The following PROKR2 variants were observed in gnomAD, a reference collection of about 807,000 sequenced individuals.
PROKR2 encodes the protein prokineticin receptor 2.
PROKR2 carries 26 observed loss-of-function variants against 23.4 expected under a neutral mutation model. That is an observed-to-expected ratio of 1.11 (90% CI 0.81 to 1.54). The LOEUF is 1.54. Ranked by LOEUF, PROKR2 falls within the 40% of genes most tolerant of loss-of-function variation. The probability of loss-of-function intolerance (pLI) is 0.00; values close to 1 mark genes in which losing one functional copy is unlikely to be tolerated. For synonymous variants in PROKR2, 212 were observed against 201.2 expected (o/e 1.05, Z -0.45); for missense variants, 453 against 511.5 (o/e 0.89, Z 1.10).
chr20:5,316,052 GA>G lies in PROKR2; in HGVS notation c.-9+441del. On this transcript the variant is annotated intron_variant, in intron 1 of 2. Transcript: ENST00000678254. The surrounding 1 kb of genome is among the most constrained non-coding windows in gnomAD (Gnocchi z 5.0). ...CCTGGCAAAGACAGGAATCAAGTCA[GA>G]AATTCAGGCTCTAGAAGCAAAGGCT... is the stretch of plus-strand genomic sequence containing the variant. The G allele has an allele frequency of 2.2e-6, 1 of 456,750 alleles. No individual in the cohort carries two copies. Among genetic ancestry groups the G allele is most frequent in the Non-Finnish European group, 4.4e-6 (1 of 226,976 alleles). 28.3% of individuals were successfully genotyped at this position (456,750 alleles called of 1,614,324 possible). A position where few individuals can be genotyped will look rare whatever the true frequency, so the allele number is the denominator to read the frequency against.
At position 5,313,933 on chromosome 20, in the gene PROKR2, A is replaced by G; in HGVS notation, c.437T>C (p.Leu146Ser). Residue 146 changes from leucine to serine, a missense_variant, in exon 2 of 3, where the codon TTG (leucine) becomes TCG (serine). Coordinates refer to ENST00000678254, the MANE Select transcript of PROKR2 (RefSeq NM_144773.4). ...TCACCTGTCAATGGCAATGGCCAGC[A>G]AGGCATTGGTGGAGACGTAGAGGGA... ...TVSLYVSTNA[L>S]LAIAIDRYLA... is the part of the protein sequence containing the mutation. 5 of 1,614,206 alleles carry G rather than the reference A, an allele frequency of 3.1e-6. No homozygotes were observed. Among genetic ancestry groups the G allele is most frequent in the Non-Finnish European group, 4.2e-6 (5 of 1,180,024 alleles).
At chr20:5,308,290 C>T (rs1425169499) in intron 2 of PROKR2, among the ~76,000 whole-genome samples, 1 of 152,178 alleles carries the variant, frequency 6.6e-6, no homozygotes, top group African/African-American at 2.4e-5. Flanking sequence ...CCATAATGCC[C>T]ACGCTGGAAG....
intron 2 of PROKR2, among the ~76,000 whole-genome samples, chr20:5,303,656 C>T (rs1173320695): frequency 6.6e-6 from 1 of 152,062 alleles, no homozygotes; most frequent in Non-Finnish European, 1.5e-5. Flanking sequence ...ATTTAGACAC[C>T]TGGTGCCCTG....
intron 1 of PROKR2, chr20:5,315,802 C>T: frequency 2.2e-6 from 1 of 455,898 alleles, no homozygotes; most frequent in Non-Finnish European, 4.4e-6. Context: ...CATGCGACAC[C>T]CCAATCCCCG....
intron 1 of PROKR2, chr20:5,315,868 C>T (rs767450460): frequency 5.0e-5 from 23 of 456,628 alleles, no homozygotes; most frequent in Middle Eastern, 3.3e-4. Flanking sequence ...CCTCGGCTTT[C>T]CAGCCCCCTA....
rs1053241986 is a variant in PROKR2 at position 5,300,507 on chromosome 20, A to G, written c.*1533T>C. ...AAACTCCCTCCAAATAAACTGTTCA[A>G]TATCACTTCTCCATTCTTATCGTGT... On this transcript the variant is annotated 3_prime_UTR_variant, in exon 3 of 3. Coordinates refer to ENST00000678254, the MANE Select transcript of PROKR2 (RefSeq NM_144773.4). 2.0e-5 allele frequency among the ~76,000 whole-genome samples: 3 copies of G among 152,246 alleles called. No individual in the cohort carries two copies. Among genetic ancestry groups the G allele is most frequent in the Admixed American group, 6.5e-5 (1 of 15,284 alleles).
intron 1 of PROKR2, 22 bp from the exon 2 acceptor site, chr20:5,314,399 G>GA (rs1568573526): frequency 1.9e-6 from 3 of 1,591,094 alleles, no homozygotes; most frequent in Non-Finnish European, 2.6e-6. Context: ...GTGGTGTGAG[G>GA]GAGGTGCGAG....
intron 2 of PROKR2, among the ~76,000 whole-genome samples, chr20:5,304,395 C>T (rs1255051347): frequency 1.3e-5 from 2 of 152,252 alleles, no homozygotes. Flanking sequence ...GAATGCTGCT[C>T]TTTCCAGTCG....
chr20:5,315,835 C>G (rs1419153172), intron 1 of PROKR2: 1 of 456,518 alleles, frequency 2.2e-6, no homozygotes, highest in African/African-American at 2.0e-5. Flanking sequence ...AGCGTGGGAC[C>G]AAGAATGGGG....
In PROKR2 at chr20:5,301,413, G is replaced by C. The variant is rs1368000166; in HGVS notation, c.*627C>G. On this transcript the variant is annotated 3_prime_UTR_variant, in exon 3 of 3. Transcript: ENST00000678254. The stretch of plus-strand genomic sequence containing the variant: ...ACGCCTAGCTAATTTTGTATTTTTA[G>C]TAGAGACAGGGTTTCACCATGTTGG... Among the ~76,000 whole-genome samples the C allele has an allele frequency of 1.3e-5, 2 of 152,128 alleles. No homozygotes were observed. Among genetic ancestry groups the C allele is most frequent in the African/African-American group, 4.8e-5 (2 of 41,432 alleles).
intron 2 of PROKR2, among the ~76,000 whole-genome samples, chr20:5,309,275 GTAT>G (rs1241223274): frequency 1.3e-5 from 2 of 152,184 alleles, no homozygotes; most frequent in African/African-American, 4.8e-5. Context: ...CAACCCAAAT[GTAT>G]TATGTTACGG....
chr20:5,300,272 A>C lies in PROKR2; in HGVS notation c.*1768T>G, dbSNP rs1978936871. Among the ~76,000 whole-genome samples the C allele has an allele frequency of 6.6e-6, 1 of 152,222 alleles. No homozygotes were observed. The highest frequency in any genetic ancestry group is 1.5e-5 in the Non-Finnish European group (1 of 68,032). Reference sequence around the variant, plus strand: ...GCAACATGCAGGGAGGACTGTCAACACTTCTAAGACCGCAGGGATGCTGAG... The same window carrying C: ...GCAACATGCAGGGAGGACTGTCAACCCTTCTAAGACCGCAGGGATGCTGAG... On this transcript the variant is annotated 3_prime_UTR_variant, in exon 3 of 3. Coordinates refer to ENST00000678254, the MANE Select transcript of PROKR2 (RefSeq NM_144773.4).
chr20:5,316,495 T>G lies in PROKR2; in HGVS notation c.-10A>C. The G allele has an allele frequency of 2.6e-6, 1 of 381,212 alleles. No individual in the cohort carries two copies. The highest frequency in any genetic ancestry group is 1.9e-5 in the South Asian group (1 of 51,950). The allele number at this position is 381,212 out of a possible 1,614,324, so 23.6% of individuals were successfully genotyped here. The stretch of plus-strand genomic sequence containing the variant: ...GACTGCAGGGATCTAAGCCCTTACC[T>G]GTCTCGGCGCCTCCTTTCTGTGCGC... On this transcript the variant is annotated splice_region_variant and 5_prime_UTR_variant, in exon 1 of 3. Coordinates refer to ENST00000678254, the MANE Select transcript of PROKR2 (RefSeq NM_144773.4). This position sits in a 1 kb window ranked among gnomAD's most constrained non-coding sequence, Gnocchi z 5.0.
intron 2 of PROKR2, among the ~76,000 whole-genome samples, chr20:5,307,119 G>A (rs1390387043): frequency 6.6e-6 from 1 of 152,034 alleles, no homozygotes; most frequent in Admixed American, 6.6e-5. Flanking sequence ...TTGCAGTCAT[G>A]TCGAGACTGA....
intron 2 of PROKR2, among the ~76,000 whole-genome samples, chr20:5,306,698 T>C (rs947925794): frequency 1.3e-5 from 2 of 152,240 alleles, no homozygotes; most frequent in Non-Finnish European, 2.9e-5. Context: ...CATGGTTCAT[T>C]CCACACCGTT....
chr20:5,314,420 C>G, intron 1 of PROKR2, 43 bp from the exon 2 acceptor site: 1 of 1,481,412 alleles, frequency 6.8e-7, no homozygotes. Flanking sequence ...GGGTGAGGGT[C>G]CAGACCTTCT....
intron 2 of PROKR2, among the ~76,000 whole-genome samples, chr20:5,308,385 C>A (rs1568571293): frequency 6.6e-6 from 1 of 152,232 alleles, no homozygotes; most frequent in Non-Finnish European, 1.5e-5. Context: ...AAACCACAAA[C>A]AATAGCATGA....
intron 2 of PROKR2, among the ~76,000 whole-genome samples, chr20:5,310,994 G>A (rs745462826): frequency 5.9e-5 from 9 of 152,298 alleles, no homozygotes; most frequent in East Asian, 1.9e-4. Flanking sequence ...GATTACAAGC[G>A]CCCTGGAATG....
At chr20:5,308,894 G>C (rs1008234662) in intron 2 of PROKR2, among the ~76,000 whole-genome samples, 1 of 152,082 alleles carries the variant, frequency 6.6e-6, no homozygotes, top group Non-Finnish European at 1.5e-5. Context: ...CCTGCCAGTG[G>C]CTCTGATCAT....
Sources: gnomAD v4.1 joint callset for allele counts (sites outside exome capture counted in the v4.1 genomes callset) on GRCh38, gnomAD v4.1.1 for gene constraint, Gnocchi (gnomAD v3.1) non-coding constraint, MANE v1.5 for transcripts, NCBI Gene and HGNC (gene_info 2026-07-23, HGNC 2026-07-21) for gene names.